Variants in ITLN1 observed in about 807,000 individuals in gnomAD.
ITLN1 encodes the protein intelectin-1.
In ITLN1, 29 loss-of-function variants were observed where a neutral mutation model predicts 36.2. The observed-to-expected ratio is 0.80, with a 90% CI of 0.60 to 1.09. ITLN1 has a LOEUF of 1.09. Among genes scored for constraint, ITLN1 ranks in the 50% least tolerant of loss-of-function variants. The pLI is 0.00. For synonymous variants in ITLN1, 143 were observed against 146.5 expected (o/e 0.98, Z 0.17); for missense variants, 358 against 405.2 (o/e 0.88, Z 1.00).
intron 6 of ITLN1, 75 bp downstream of exon 6, chr1:160,880,513 T>G: frequency 6.7e-7 from 1 of 1,484,628 alleles, no homozygotes; most frequent in Non-Finnish European, 9.3e-7. Flanking sequence ...TTCAGTCCGA[T>G]GCATAACTGT....
rs769947120 is a variant in ITLN1 at position 160,881,295 on chromosome 1, G to A, written c.423C>T (p.Asp141=). The part of the protein sequence containing the change: ...SDDYKNPGYY[D]IQAKDLGIWH... ...AGATGCCCAGGTCCTTGGCCTGGAT[G>A]TCGTAGTAGCCAGGGTTCTGGAAAG... The change falls in exon 5 of 8, where the codon GAC becomes GAT. Residue 141 remains aspartate, a synonymous_variant. Transcript: ENST00000326245. 38 of 1,601,400 alleles carry A rather than the reference G, an allele frequency of 2.4e-5. No homozygotes were observed. The Admixed American group carries it at 6.3e-4, about 27-fold the overall frequency.
At chr1:160,882,935 T>A (rs566975204) in intron 3 of ITLN1, among the ~76,000 whole-genome samples, 1 of 152,260 alleles carries the variant, frequency 6.6e-6, no homozygotes, top group East Asian at 1.9e-4. Context: ...AGTGGCACTA[T>A]CTTGGCCCAC....
At chr1:160,880,365 T>C (rs999005029) in intron 6 of ITLN1, among the ~76,000 whole-genome samples, 4 of 151,952 alleles carry the variant, frequency 2.6e-5, no homozygotes, top group Non-Finnish European at 4.4e-5. Flanking sequence ...CTTCCACATA[T>C]GCCTTGTGAT....
intron 7 of ITLN1, among the ~76,000 whole-genome samples, chr1:160,877,466 C>T (rs1295098790): frequency 6.6e-6 from 1 of 152,182 alleles, no homozygotes; most frequent in African/African-American, 2.4e-5. Context: ...AAATCTCCAT[C>T]TCCTGTTGAG....
intron 6 of ITLN1, 77 bp from the exon 7 acceptor site, chr1:160,879,491 C>A: frequency 8.9e-7 from 1 of 1,122,978 alleles, no homozygotes; most frequent in South Asian, 1.3e-5. Flanking sequence ...CAGAGGCTCT[C>A]GATGCCAAAG....
intron 3 of ITLN1, among the ~76,000 whole-genome samples, chr1:160,882,790 A>G (rs545238859): frequency 6.6e-5 from 10 of 152,358 alleles, no homozygotes; most frequent in African/African-American, 2.2e-4. Flanking sequence ...TCATGGAGAT[A>G]GAAAGTAAAA....
chr1:160,884,960 T>C, intron 1 of ITLN1, 77 bp from the exon 2 acceptor site: 1 of 903,586 alleles, frequency 1.1e-6, no homozygotes, highest in Non-Finnish European at 1.8e-6. Flanking sequence ...TGTCCAGTCT[T>C]ACAAAGACTC....
chr1:160,880,063 T>C (rs995706208), intron 6 of ITLN1, among the ~76,000 whole-genome samples: 4 of 152,208 alleles, frequency 2.6e-5, no homozygotes, highest in East Asian at 3.9e-4. Context: ...CCCAACACTT[T>C]GGGAGCCGAA....
chr1:160,876,720 C>A lies in ITLN1; in HGVS notation c.886G>T (p.Gly296Cys), dbSNP rs1444119470. ...FDWSGYGTHV[G>C]YSSSREITEA... ...GTTATCTCACGGCTGCTGCTGTAAC[C>A]AACATGAGTTCCATATCCACTCCAA... is the stretch of plus-strand genomic sequence containing the variant. The change falls in exon 8 of 8, where the codon GGT becomes TGT. Residue 296 changes from glycine to cysteine, a missense_variant. Transcript: ENST00000326245. 1 of 1,614,082 alleles carries A rather than the reference C, an allele frequency of 6.2e-7. No homozygotes were observed. Among genetic ancestry groups the A allele is most frequent in the East Asian group, 2.2e-5 (1 of 44,894 alleles).
At position 160,879,330 on chromosome 1, in the gene ITLN1, G is replaced by A. The variant is rs527879178; in HGVS notation, c.770C>T (p.Thr257Ile). ...ACTCACGTGCTCAGTGTTACATCCG[G>A]TGACCCTCATTCCAGCACACAAGGC... ...ANALCAGMRV[T>I]GCNTEHHCIG... The change falls in exon 7 of 8, where the codon ACC becomes ATC. Residue 257 changes from threonine (T) to isoleucine (I), a missense_variant. By Grantham distance (89) the Thr-to-Ile change is moderately conservative. Coordinates refer to ENST00000326245, the MANE Select transcript of ITLN1 (RefSeq NM_017625.3). The A allele has an allele frequency of 6.2e-7, 1 of 1,613,932 alleles. No homozygotes were observed. Among genetic ancestry groups the A allele is most frequent in the African/African-American group, 1.3e-5 (1 of 75,012 alleles).
intron 4 of ITLN1, among the ~76,000 whole-genome samples, 153 bp downstream of exon 4, chr1:160,881,804 G>GAAAAAAA (rs56380748): frequency 1.6e-5 from 2 of 125,264 alleles, no homozygotes; most frequent in African/African-American, 6.8e-5. Context: ...TCCGTCTCAA[G>GAAAAAAA]AAAAAAAAAA....
chr1:160,880,679 C>A lies in ITLN1; in HGVS notation c.594G>T (p.Lys198Asn), dbSNP rs764984859. ...QKYPVKYGEG[K>N]CWTDNGPVIP... Reference sequence around the variant, plus strand: ...TCACCGGGCCGTTGTCAGTCCAACACTTTCCTTCTCCATATTTCACTGGAT... The same window carrying A: ...TCACCGGGCCGTTGTCAGTCCAACAATTTCCTTCTCCATATTTCACTGGAT... The change falls in exon 6 of 8, where the codon AAG becomes AAT. Residue 198 changes from lysine (K) to asparagine (N), a missense_variant. Transcript: ENST00000326245. The A allele has an allele frequency of 1.3e-5, 21 of 1,614,046 alleles. No homozygotes were observed. Among genetic ancestry groups the A allele is most frequent in the Non-Finnish European group, 1.7e-5 (20 of 1,180,004 alleles).
chr1:160,881,677 T>C (rs1040061177), intron 4 of ITLN1, among the ~76,000 whole-genome samples: 15 of 151,740 alleles, frequency 9.9e-5, no homozygotes, highest in Non-Finnish European at 2.2e-4. Flanking sequence ...AGTATGGTAG[T>C]GGGCGCTTGT....
intron 7 of ITLN1, among the ~76,000 whole-genome samples, chr1:160,878,515 T>C (rs1190921189): frequency 6.6e-6 from 1 of 151,888 alleles, no homozygotes; most frequent in Admixed American, 6.6e-5. Flanking sequence ...GCCTCCCAAG[T>C]AGCTGAGACC....
chr1:160,879,282 A>T (rs755286571), intron 7 of ITLN1, 29 bp downstream of exon 7: 1 of 1,526,708 alleles, frequency 6.6e-7, no homozygotes, highest in Admixed American at 1.7e-5. Flanking sequence ...CCTTACTCAC[A>T]GGTCCCTGCA....
chr1:160,879,471 T>A, intron 6 of ITLN1, 57 bp from the exon 7 acceptor site: 1 of 1,401,800 alleles, frequency 7.1e-7, no homozygotes, highest in Non-Finnish European at 1.0e-6. Flanking sequence ...TTGCTTTCCT[T>A]AGGCCAGCCC....
intron 4 of ITLN1, 92 bp downstream of exon 4, chr1:160,881,865 A>T: frequency 6.5e-7 from 1 of 1,531,916 alleles, no homozygotes; most frequent in South Asian, 1.1e-5. Context: ...CCCATCCCAC[A>T]CCCCTACCTT....
At chr1:160,880,338 C>T (rs571878113) in intron 6 of ITLN1, among the ~76,000 whole-genome samples, 49 of 151,882 alleles carry the variant, frequency 3.2e-4, no homozygotes, top group Non-Finnish European at 5.0e-4. Context: ...CAAATTTCCT[C>T]ACCCCAGTTG....
chr1:160,880,490 G>C (rs4656957), intron 6 of ITLN1, 98 bp downstream of exon 6: 9 of 1,281,004 alleles, frequency 7.0e-6, no homozygotes, highest in Non-Finnish European at 7.7e-6. Context: ...AACATTACAG[G>C]AGAGAACCAA....
Sources: gnomAD v4.1 joint callset for allele counts (sites outside exome capture counted in the v4.1 genomes callset) on GRCh38, gnomAD v4.1.1 for gene constraint, MANE v1.5 for transcripts, NCBI Gene and HGNC (gene_info 2026-07-23, HGNC 2026-07-21) for gene names.